Variants in ANKRD30B observed in about 807,000 individuals in gnomAD.
ANKRD30B encodes the protein ankyrin repeat domain 30B.
Under a neutral mutation model 202.2 loss-of-function variants are expected in ANKRD30B, and 144 were observed. The observed-to-expected ratio is 0.71, with a 90% CI of 0.62 to 0.82. ANKRD30B has a LOEUF of 0.82. Among genes scored for constraint, ANKRD30B ranks in the 40% least tolerant of loss-of-function variants. The probability of loss-of-function intolerance (pLI) is 0.00; values close to 1 mark genes in which losing one functional copy is unlikely to be tolerated. For missense variants in ANKRD30B, 1,487 were observed against 1,669.1 expected, an observed-to-expected ratio of 0.89 and a Z score of 1.90; for synonymous variants, 508 against 561.3, an observed-to-expected ratio of 0.91 and a Z score of 1.34.
chr18:14,911,005 T>A, the ANKRD30B span, among the ~76,000 whole-genome samples: 1 of 152,312 alleles, frequency 6.6e-6, no homozygotes, highest in Admixed American at 6.5e-5. Context: ...TTTGAGTTTC[T>A]TTTAGATTCT....
At chr18:14,922,143 G>A in the ANKRD30B span, among the ~76,000 whole-genome samples, 1 of 152,120 alleles carries the variant, frequency 6.6e-6, no homozygotes, top group Admixed American at 6.5e-5. Context: ...GTTTGTTGGA[G>A]GAGAGAGAGA....
At chr18:14,769,317 T>G in intron 7 of ANKRD30B, 26 bp from the exon 8 acceptor site, 1 of 1,465,638 alleles carries the variant, frequency 6.8e-7, no homozygotes, top group South Asian at 1.2e-5. Context: ...GTTAATTTAA[T>G]GTATTTTACT....
At chr18:14,776,459 C>T (rs1348572182) in intron 9 of ANKRD30B, among the ~76,000 whole-genome samples, 1 of 152,124 alleles carries the variant, frequency 6.6e-6, no homozygotes, top group Non-Finnish European at 1.5e-5. Flanking sequence ...CATTTAATCT[C>T]CCATCTCAAA....
Position 14,752,946 on chromosome 18 carries a change from T to C in ANKRD30B, c.444T>C (p.Tyr148=), listed in dbSNP as rs1174809727. ...YGNTALHYAV[Y]SENLLMVATL... is the part of the protein sequence containing the mutation. ...ACACGGCTCTCCATTATGCCGTTTATAGTGAGAATTTGTTAATGGTGGCAA... is the reference window on the plus strand; with the variant it reads ...ACACGGCTCTCCATTATGCCGTTTACAGTGAGAATTTGTTAATGGTGGCAA... The change falls in exon 3 of 44, where the codon TAT becomes TAC. Residue 148 remains tyrosine, a synonymous_variant. Transcript: ENST00000690538. The C allele has an allele frequency of 3.7e-6, 6 of 1,603,830 alleles. No individual in the cohort carries two copies. The highest frequency in any genetic ancestry group is 1.6e-4 in the Middle Eastern group (1 of 6,076).
chr18:14,885,049 T>C, the ANKRD30B span, among the ~76,000 whole-genome samples: 1 of 152,088 alleles, frequency 6.6e-6, no homozygotes, highest in Admixed American at 6.6e-5. Context: ...AGTTAATAGA[T>C]ATTTTCCCAA....
the ANKRD30B span, among the ~76,000 whole-genome samples, chr18:14,887,017 A>G: frequency 0.023 from 3,489 of 152,232 alleles, 137 homozygotes; most frequent in African/African-American, 0.081. Flanking sequence ...ACTCTCATCT[A>G]TAAATGTATT....
At position 14,756,582 on chromosome 18, in the gene ANKRD30B, C is replaced by G. The variant is rs138878105; in HGVS notation, c.618-1233C>G. The stretch of plus-strand genomic sequence containing the variant: ...AATCCATCCTGAATTAATTTTTACA[C>G]CTTATACACTTTTTAAAAAATGCAA... On this transcript the variant is annotated intron_variant, in intron 4 of 43. Coordinates refer to ENST00000690538, the MANE Select transcript of ANKRD30B (RefSeq NM_001367607.2). Among the ~76,000 whole-genome samples the G allele has an allele frequency of 8.4e-3, 1,275 of 152,190 alleles. 18 individuals carry two copies. Among genetic ancestry groups the G allele is most frequent in the African/African-American group, 0.029 (1,211 of 41,524 alleles).
At chr18:14,831,769 A>T (rs1012627231) in intron 34 of ANKRD30B, among the ~76,000 whole-genome samples, 1 of 152,328 alleles carries the variant, frequency 6.6e-6, no homozygotes, top group African/African-American at 2.4e-5. Context: ...ACTTTTCCAC[A>T]ATAGAGAATA....
the ANKRD30B span, among the ~76,000 whole-genome samples, chr18:14,934,946 A>C: frequency 7.2e-6 from 1 of 138,990 alleles, no homozygotes; most frequent in African/African-American, 3.3e-5. Context: ...ACACACACAC[A>C]CACCCCATCG....
At chr18:14,768,137 A>G (rs1355617980) in intron 7 of ANKRD30B, among the ~76,000 whole-genome samples, 1 of 152,164 alleles carries the variant, frequency 6.6e-6, no homozygotes, top group Non-Finnish European at 1.5e-5. Flanking sequence ...GATTAGGTCA[A>G]TTACCAGGAG....
At chr18:14,775,992 T>A (rs1967328042) in intron 9 of ANKRD30B, among the ~76,000 whole-genome samples, 1 of 152,252 alleles carries the variant, frequency 6.6e-6, no homozygotes, top group South Asian at 2.1e-4. Context: ...CTGGAAAGTC[T>A]GTATACAAAT....
the ANKRD30B span, among the ~76,000 whole-genome samples, chr18:14,933,722 G>A: frequency 2.3e-5 from 3 of 131,070 alleles, no homozygotes; most frequent in African/African-American, 9.6e-5. Context: ...ATTAATCAGT[G>A]GCCACTACGT....
At chr18:14,797,503 A>C (rs551312784) in intron 18 of ANKRD30B, among the ~76,000 whole-genome samples, 158 bp from the exon 19 acceptor site, 1 of 152,168 alleles carries the variant, frequency 6.6e-6, no homozygotes, top group Admixed American at 6.5e-5. Context: ...TACAGTTGGC[A>C]TGTTAACAAA....
At chr18:14,806,556 T>C (rs554607419) in intron 24 of ANKRD30B, among the ~76,000 whole-genome samples, 1 of 150,368 alleles carries the variant, frequency 6.7e-6, no homozygotes, top group African/African-American at 2.5e-5. Context: ...TTTCCCTGCT[T>C]GCTTCCTCTG....
the ANKRD30B span, among the ~76,000 whole-genome samples, chr18:14,880,875 G>A: frequency 2.0e-5 from 3 of 151,840 alleles, no homozygotes; most frequent in African/African-American, 7.2e-5. Context: ...TTCTTGATGT[G>A]ATTCTCTGCT....
the ANKRD30B span, among the ~76,000 whole-genome samples, chr18:14,869,650 G>A: frequency 7.3e-5 from 11 of 151,502 alleles, no homozygotes; most frequent in African/African-American, 2.7e-4. Context: ...TTAAATTTTT[G>A]TATAATTAGC....
chr18:14,768,801 AC>A (rs1471287162), intron 7 of ANKRD30B, among the ~76,000 whole-genome samples: 1 of 152,190 alleles, frequency 6.6e-6, no homozygotes, highest in East Asian at 1.9e-4. Context: ...TCTAAGGTTG[AC>A]ACTGTCCACT....
At chr18:14,881,656 G>A in the ANKRD30B span, among the ~76,000 whole-genome samples, 1 of 151,798 alleles carries the variant, frequency 6.6e-6, no homozygotes, top group Non-Finnish European at 1.5e-5. Flanking sequence ...GAAAGGATTG[G>A]TATCATTTCT....
chr18:14,932,000 T>G, the ANKRD30B span, among the ~76,000 whole-genome samples: 1 of 5,054 alleles, frequency 2.0e-4, no homozygotes, highest in Non-Finnish European at 4.4e-4. Context: ...CCACCCCACC[T>G]CCCACCTCCC....
Sources: allele counts gnomAD v4.1 joint callset (sites outside exome capture counted in the v4.1 genomes callset), GRCh38; gene constraint gnomAD v4.1.1; transcripts MANE v1.5; gene names NCBI Gene and HGNC (gene_info 2026-07-23, HGNC 2026-07-21).